ADAMTS6: variants seen among roughly 807,000 people sequenced by gnomAD.
ADAMTS6 encodes A disintegrin and metalloproteinase with thrombospondin motifs 6.
In ADAMTS6, 23 loss-of-function variants were observed where a neutral mutation model predicts 144.3. The observed-to-expected ratio is 0.16, with a 90% CI of 0.11 to 0.23. ADAMTS6 has a LOEUF of 0.23. Among genes scored for constraint, ADAMTS6 ranks in the 10% least tolerant of loss-of-function variants. The pLI, the probability that ADAMTS6 is intolerant of heterozygous loss-of-function variation, is 1.00. For missense variants in ADAMTS6, 999 were observed against 1,379.6 expected (o/e 0.72, Z 4.37); for synonymous variants, 444 against 457.5 (o/e 0.97, Z 0.38).
At chr5:65,322,790 G>T (rs1745752108) in intron 9 of ADAMTS6, among the ~76,000 whole-genome samples, 1 of 152,064 alleles carries the variant, frequency 6.6e-6, no homozygotes, top group Non-Finnish European at 1.5e-5. Flanking sequence ...CTGGGATGAT[G>T]GGGTTTTCTA....
At chr5:65,305,537 G>T (rs1743859955) in intron 9 of ADAMTS6, among the ~76,000 whole-genome samples, 1 of 151,618 alleles carries the variant, frequency 6.6e-6, no homozygotes, top group Non-Finnish European at 1.5e-5. Context: ...CTGCTGTTGA[G>T]TTTCAAAAAT....
At position 65,385,312 on chromosome 5, in the gene ADAMTS6, T is replaced by G. The variant is rs568439098; in HGVS notation, c.1074-51227A>C. Among the ~76,000 whole-genome samples, 5 of 152,312 alleles carry G rather than the reference T, an allele frequency of 3.3e-5. No homozygotes were observed. In the East Asian group the frequency reaches 9.6e-4, roughly 29 times the overall value. On this transcript the variant is annotated intron_variant, in intron 7 of 24. Transcript: ENST00000381055. Reference sequence around the variant, plus strand: ...ACAGTATGAATTTTTTATTCACAAATGTAGAATCACTTCATTGCACAGTAG... The same window carrying G: ...ACAGTATGAATTTTTTATTCACAAAGGTAGAATCACTTCATTGCACAGTAG...
chr5:65,311,431 G>A (rs1744482627), intron 9 of ADAMTS6, among the ~76,000 whole-genome samples: 1 of 152,000 alleles, frequency 6.6e-6, no homozygotes, highest in Non-Finnish European at 1.5e-5. Context: ...CTATTGACAT[G>A]CATGCTTTTC....
At chr5:65,203,708 A>G (rs2112262435) in intron 20 of ADAMTS6, among the ~76,000 whole-genome samples, 1 of 152,336 alleles carries the variant, frequency 6.6e-6, no homozygotes, top group African/African-American at 2.4e-5. Context: ...AAATAGTAAT[A>G]TCATAAGTTC....
chr5:65,399,270 T>TACAACTATA (rs1753717006), intron 7 of ADAMTS6, among the ~76,000 whole-genome samples: 1 of 152,206 alleles, frequency 6.6e-6, no homozygotes, highest in Non-Finnish European at 1.5e-5. Context: ...AAAAGTGGAC[T>TACAACTATA]TCTTGTAGAC....
chr5:65,242,108 A>C lies in ADAMTS6; in HGVS notation c.1929T>G (p.Thr643=). 1 of 1,583,706 alleles carries C rather than the reference A, an allele frequency of 6.3e-7. No individual in the cohort carries two copies. The highest frequency in any genetic ancestry group is 8.6e-7 in the Non-Finnish European group (1 of 1,160,948). The change falls in exon 15 of 25, where the codon ACT becomes ACG. Residue 643 remains threonine, a synonymous_variant. Coordinates refer to ENST00000381055, the MANE Select transcript of ADAMTS6 (RefSeq NM_197941.4). Reference sequence around the variant, plus strand: ...CTCTGTCAGGTTATACATTACCTCCAGTATAGGGTTTCCAGTTATAATACT... The same window carrying C: ...CTCTGTCAGGTTATACATTACCTCCCGTATAGGGTTTCCAGTTATAATACT... ...RGKYYNWKPY[T]GGGVKPCALN... is the part of the protein sequence containing the mutation.
chr5:65,442,686 T>C (rs1757957608), intron 7 of ADAMTS6, among the ~76,000 whole-genome samples: 1 of 152,166 alleles, frequency 6.6e-6, no homozygotes, highest in Non-Finnish European at 1.5e-5. Flanking sequence ...TATATTTTTA[T>C]TGATTTCCAG....
intron 10 of ADAMTS6, among the ~76,000 whole-genome samples, chr5:65,299,082 GA>G (rs1271910454): frequency 6.6e-6 from 1 of 151,290 alleles, no homozygotes; most frequent in Admixed American, 6.6e-5. Context: ...CCTCCCTAAA[GA>G]AAAAAATGGC....
At chr5:65,171,245 G>A (rs1259796506) in intron 23 of ADAMTS6, among the ~76,000 whole-genome samples, 2 of 151,942 alleles carry the variant, frequency 1.3e-5, no homozygotes, top group African/African-American at 2.4e-5. Context: ...TCCTGACCTC[G>A]TGATCTGCCC....
chr5:65,351,364 A>T (rs1732214758), intron 7 of ADAMTS6, among the ~76,000 whole-genome samples: 1 of 151,714 alleles, frequency 6.6e-6, no homozygotes, highest in South Asian at 2.1e-4. Context: ...AAATAACCAA[A>T]ATGTTTTTAA....
At chr5:65,344,424 T>G (rs951500413) in intron 7 of ADAMTS6, among the ~76,000 whole-genome samples, 1 of 151,968 alleles carries the variant, frequency 6.6e-6, no homozygotes, top group East Asian at 1.9e-4. Context: ...TTACATCATT[T>G]GCATCCTGAT....
Position 65,237,294 on chromosome 5 carries a change from G to T in ADAMTS6, c.1933+4810C>A, listed in dbSNP as rs2112469507. Among the ~76,000 whole-genome samples the T allele has an allele frequency of 2.0e-5, 3 of 151,326 alleles. No individual in the cohort carries two copies. The South Asian group carries it at 6.3e-4, about 32-fold the overall frequency. The stretch of plus-strand genomic sequence containing the variant: ...GCCTAGCTACTCAGGAGGCTGAGGA[G>T]GGAGGATCTCTTGAGCTCAGGAGAT... On this transcript the variant is annotated intron_variant, in intron 15 of 24. Transcript: ENST00000381055.
intron 7 of ADAMTS6, among the ~76,000 whole-genome samples, chr5:65,406,062 T>C (rs1754444479): frequency 6.6e-6 from 1 of 152,198 alleles, no homozygotes; most frequent in Non-Finnish European, 1.5e-5. Context: ...ACGATGGGGT[T>C]TTCTAAATAT....
chr5:65,178,977 G>A (rs1754159548), intron 22 of ADAMTS6, among the ~76,000 whole-genome samples: 1 of 152,110 alleles, frequency 6.6e-6, no homozygotes, highest in African/African-American at 2.4e-5. Context: ...TTGAACATCA[G>A]TAGACTGTGA....
intron 2 of ADAMTS6, among the ~76,000 whole-genome samples, chr5:65,471,618 C>T (rs1417408728): frequency 1.3e-5 from 2 of 151,974 alleles, no homozygotes; most frequent in Non-Finnish European, 2.9e-5. Context: ...ATTATCCGGG[C>T]GTTGCGGCAC....
intron 7 of ADAMTS6, among the ~76,000 whole-genome samples, chr5:65,403,045 A>G (rs1754074528): frequency 6.6e-6 from 1 of 151,910 alleles, no homozygotes; most frequent in Non-Finnish European, 1.5e-5. Context: ...AGTCATCAAT[A>G]GCTCCATCCC....
intron 24 of ADAMTS6, among the ~76,000 whole-genome samples, chr5:65,158,998 T>C (rs1459105252): frequency 1.3e-5 from 2 of 152,174 alleles, no homozygotes; most frequent in Non-Finnish European, 2.9e-5. Context: ...TGTGTTTAAT[T>C]TCCCTACAGA....
At chr5:65,298,779 A>G (rs961541144) in intron 10 of ADAMTS6, among the ~76,000 whole-genome samples, 1 of 152,112 alleles carries the variant, frequency 6.6e-6, no homozygotes, top group African/African-American at 2.4e-5. Flanking sequence ...TTAAACATTT[A>G]TCTTTTGATT....
At chr5:65,269,531 C>A (rs1015626167) in intron 12 of ADAMTS6, among the ~76,000 whole-genome samples, 1 of 152,030 alleles carries the variant, frequency 6.6e-6, no homozygotes, top group African/African-American at 2.4e-5. Context: ...TTTTACTTTG[C>A]AAAATTTCTC....
Sources: gnomAD v4.1 joint callset for allele counts (sites outside exome capture counted in the v4.1 genomes callset) on GRCh38, gnomAD v4.1.1 for gene constraint, MANE v1.5 for transcripts, NCBI Gene and HGNC (gene_info 2026-07-23, HGNC 2026-07-21) for gene names.